SNED1: variants seen among roughly 807,000 people sequenced by gnomAD.
SNED1 encodes sushi, nidogen and EGF-like domain-containing protein 1.
SNED1 carries 81 observed loss-of-function variants against 166.7 expected under a neutral mutation model. The observed-to-expected ratio is 0.49, with a 90% CI of 0.41 to 0.58. The LOEUF is 0.58. Among genes scored for constraint, SNED1 ranks in the 20% least tolerant of loss-of-function variants. The pLI is 0.00. For synonymous variants in SNED1, 762 were observed against 822.0 expected, an observed-to-expected ratio of 0.93 and a Z score of 1.25; for missense variants, 1,604 against 2,000.2, an observed-to-expected ratio of 0.80 and a Z score of 3.78.
chr2:241,069,156 T>C lies in SNED1; in HGVS notation c.3307+133T>C. On this transcript the variant is annotated intron_variant, in intron 23 of 31. Coordinates refer to ENST00000310397, the MANE Select transcript of SNED1 (RefSeq NM_001080437.3). The surrounding 1 kb of genome is among the most constrained non-coding windows in gnomAD (Gnocchi z 4.9). ...CCCAGCCCCTGGCCTCCCAGATGTC[T>C]CTTCCGCTGGGGCCACTGGGCAGGA... 2 of 631,916 alleles carry C rather than the reference T, an allele frequency of 3.2e-6. No individual in the cohort carries two copies. Among genetic ancestry groups the C allele is most frequent in the Non-Finnish European group, 2.7e-6 (1 of 369,904 alleles). 39.1% of individuals were successfully genotyped at this position (631,916 alleles called of 1,614,324 possible). A position where few individuals can be genotyped will look rare whatever the true frequency, so the allele number is the denominator to read the frequency against.
intron 4 of SNED1, 21 bp from the exon 5 acceptor site, chr2:241,036,769 A>G (rs2061384573): frequency 9.3e-6 from 15 of 1,604,680 alleles, no homozygotes; most frequent in Non-Finnish European, 1.2e-5. Flanking sequence ...CTGAGGCTCC[A>G]GCCCCTCCCT....
intron 27 of SNED1, among the ~76,000 whole-genome samples, chr2:241,078,730 G>A (rs895693711): frequency 7.2e-5 from 11 of 151,890 alleles, no homozygotes; most frequent in African/African-American, 2.7e-4. Flanking sequence ...ATGGATGCCT[G>A]TATCTGTGAA....
At chr2:241,057,380 A>AATAT (rs57902432) in intron 16 of SNED1, among the ~76,000 whole-genome samples, 5,560 of 117,806 alleles carry the variant, frequency 0.047, 189 homozygotes, top group Admixed American at 0.1. Flanking sequence ...TCCATCTCAA[A>AATAT]ATATATATAT....
intron 1 of SNED1, among the ~76,000 whole-genome samples, chr2:241,024,232 T>C (rs1297570312): frequency 8.0e-6 from 1 of 125,610 alleles, no homozygotes; most frequent in East Asian, 2.4e-4. Context: ...TTCACTCTAC[T>C]ACCTTTTTTT....
In SNED1 at chr2:241,052,036, T is replaced by C. The variant is rs2061859571; in HGVS notation, c.1853-5T>C. 3 of 1,612,486 alleles carry C rather than the reference T, an allele frequency of 1.9e-6. No individual in the cohort carries two copies. The highest frequency in any genetic ancestry group is 2.5e-6 in the Non-Finnish European group (3 of 1,178,688). On this transcript the variant is annotated splice_region_variant and splice_polypyrimidine_tract_variant and intron_variant, in intron 13 of 31. Coordinates refer to ENST00000310397, the MANE Select transcript of SNED1 (RefSeq NM_001080437.3). ...CTGTGACCCTGACCTGGCTTCTGTT[T>C]CCAGGGAAGCCAGACTCGTGTGCCT...
intron 3 of SNED1, 57 bp from the exon 4 acceptor site, chr2:241,034,511 C>T: frequency 6.7e-7 from 1 of 1,485,246 alleles, no homozygotes; most frequent in South Asian, 1.3e-5. Context: ...GGGTAACCCC[C>T]ACCTCTGTAG....
chr2:241,087,479 C>T lies in SNED1; in HGVS notation c.4205+4C>T, dbSNP rs1386954223. The T allele has an allele frequency of 1.9e-6, 3 of 1,598,578 alleles. No homozygotes were observed. On this transcript the variant is annotated splice_donor_region_variant and intron_variant, in intron 30 of 31. Transcript: ENST00000310397. ...GCCTCAAGAAGACCCCAAACAGGTG[C>T]CTCTGGGGAGCAGGCCCATGCCGTG...
intron 8 of SNED1, among the ~76,000 whole-genome samples, chr2:241,042,854 C>T (rs1365274941): frequency 2.0e-5 from 3 of 152,162 alleles, no homozygotes; most frequent in Non-Finnish European, 4.4e-5. Flanking sequence ...AAGAGATCTT[C>T]AGCAACCTGC....
intron 2 of SNED1, 99 bp downstream of exon 2, chr2:241,030,670 G>A: frequency 7.9e-7 from 1 of 1,271,670 alleles, no homozygotes; most frequent in Non-Finnish European, 1.1e-6. Context: ...GTGTGGTGCA[G>A]TCACTGGTCC....
At chr2:241,041,886 T>G (rs1487924522) in intron 8 of SNED1, among the ~76,000 whole-genome samples, 1 of 152,160 alleles carries the variant, frequency 6.6e-6, no homozygotes, top group Non-Finnish European at 1.5e-5. Flanking sequence ...GCTCTTGGAA[T>G]TTCCCTCTCA....
In SNED1 at chr2:241,030,516, T is replaced by G; in HGVS notation, c.446T>G (p.Val149Gly). 6.2e-7 allele frequency: 1 copy of G among 1,613,734 alleles called. No homozygotes were observed. The change falls in exon 2 of 32, where the codon GTT (valine) becomes GGT (glycine). Residue 149 changes from valine (V) to glycine (G), a missense_variant. Val to Gly is a moderately radical substitution (Grantham distance 109). This residue lies in a region of SNED1 where 1,237 missense variants were observed against 1,620.8 expected (regional missense o/e 0.76). Transcript: ENST00000310397. The part of the protein sequence containing the change: ...PELLDFNATW[V>G]FVATWYRVTF... ...CTCCTGGACTTCAATGCCACCTGGG[T>G]TTTTGTTGCCACCTGGTACCGAGTG...
In SNED1 at chr2:241,071,701, ACCCCCACCCAGC is replaced by A; in HGVS notation, c.3722_3733del (p.Thr1241_Pro1244del). On this transcript the variant is annotated inframe_deletion, in exon 25 of 32. Transcript: ENST00000310397. ...GCTCAATGACCACAGCGCCCCCGAG[ACCCCCACCCAGC>A]CCCCCAGGTACATGCCCCACCCATC... 7.8e-7 allele frequency: 1 copy of A among 1,281,582 alleles called. No homozygotes were observed. Among genetic ancestry groups the A allele is most frequent in the Non-Finnish European group, 1.1e-6 (1 of 928,450 alleles). The allele number at this position is 1,281,582 out of a possible 1,614,324, so 79.4% of individuals were successfully genotyped here. A position where few individuals can be genotyped will look rare whatever the true frequency, so the allele number is the denominator to read the frequency against.
intron 1 of SNED1, among the ~76,000 whole-genome samples, chr2:241,009,230 C>T (rs1189396320): frequency 6.6e-6 from 1 of 152,098 alleles, no homozygotes; most frequent in Non-Finnish European, 1.5e-5. Context: ...GCCCCTCCCT[C>T]TGAGGTGTGG....
In SNED1 at chr2:241,023,235, A is replaced by T. The variant is rs527415969; in HGVS notation, c.214-7049A>T. Among the ~76,000 whole-genome samples the T allele has an allele frequency of 3.2e-4, 48 of 152,280 alleles. 1 individual carries two copies. In the South Asian group the frequency reaches 9.9e-3, roughly 32 times the overall value. ...CATGCAATACTATAAATTTCCATTG[A>T]AGTTCTGCTTTCTTCACATCCTCAC... On this transcript the variant is annotated intron_variant, in intron 1 of 31. Coordinates refer to ENST00000310397, the MANE Select transcript of SNED1 (RefSeq NM_001080437.3).
chr2:241,011,579 C>A (rs2060405511), intron 1 of SNED1, among the ~76,000 whole-genome samples: 1 of 152,246 alleles, frequency 6.6e-6, no homozygotes, highest in Admixed American at 6.5e-5. Flanking sequence ...AATCCTTTCC[C>A]CTTGTTTTCC....
At chr2:241,037,155 C>T (rs779444313) in intron 5 of SNED1, 85 bp from the exon 6 acceptor site, 20 of 1,235,496 alleles carry the variant, frequency 1.6e-5, no homozygotes, top group Admixed American at 2.0e-5. Context: ...TGCTCCTCCT[C>T]CGTCCCCGGC....
chr2:241,069,120 A>C lies in SNED1; in HGVS notation c.3307+97A>C, dbSNP rs1315110591. 4 of 778,812 alleles carry C rather than the reference A, an allele frequency of 5.1e-6. No homozygotes were observed. Among genetic ancestry groups the C allele is most frequent in the Non-Finnish European group, 8.0e-6 (4 of 498,870 alleles). 48.2% of individuals were successfully genotyped at this position (778,812 alleles called of 1,614,324 possible). A position where few individuals can be genotyped will look rare whatever the true frequency, so the allele number is the denominator to read the frequency against. On this transcript the variant is annotated intron_variant, in intron 23 of 31. Coordinates refer to ENST00000310397, the MANE Select transcript of SNED1 (RefSeq NM_001080437.3). This position sits in a 1 kb window ranked among gnomAD's most constrained non-coding sequence, Gnocchi z 4.9. ...CCCTAGTCCTCTCCAAAGCGTCCAC[A>C]ACACCAGAAACCCAGCCCCTGGCCT...
chr2:241,011,166 AGGTCTCCTGGG>A (rs2060386056), intron 1 of SNED1, among the ~76,000 whole-genome samples: 3 of 135,896 alleles, frequency 2.2e-5, no homozygotes, highest in African/African-American at 8.8e-5. Context: ...TGGGGGTGGC[AGGTCTCCTGGG>A]TCTCCTGGGT....
chr2:241,086,486 C>T (rs1178372448), intron 29 of SNED1, among the ~76,000 whole-genome samples: 6 of 152,232 alleles, frequency 3.9e-5, no homozygotes, highest in Admixed American at 1.3e-4. Context: ...CTTCTCTAGG[C>T]TGAATTCCAG....
Sources: gnomAD v4.1 joint callset for allele counts (sites outside exome capture counted in the v4.1 genomes callset) on GRCh38, gnomAD v4.1.1 for gene constraint, gnomAD v4.1.1 regional missense constraint, Gnocchi (gnomAD v3.1) non-coding constraint, MANE v1.5 for transcripts, NCBI Gene and HGNC (gene_info 2026-07-23, HGNC 2026-07-21) for gene names.